The following ABLIM2 variants were observed in gnomAD, a reference collection of about 807,000 sequenced individuals.
ABLIM2 encodes the protein actin binding LIM protein family member 2, also known as actin-binding LIM protein 2.
Under a neutral mutation model 97.7 loss-of-function variants are expected in ABLIM2, and 53 were observed. That is an observed-to-expected ratio of 0.54 (90% confidence interval 0.44 to 0.68). ABLIM2 has a LOEUF of 0.68. Ranked by LOEUF, ABLIM2 falls within the 30% of genes least tolerant of loss-of-function variation. The pLI is 0.00. For synonymous variants in ABLIM2, 361 were observed against 345.8 expected (o/e 1.04, Z -0.49); for missense variants, 835 against 867.2 (o/e 0.96, Z 0.47).
In ABLIM2 at chr4:8,085,336, A is replaced by C. The variant is rs974941988; in HGVS notation, c.454+2833T>G. Among the ~76,000 whole-genome samples, 2 of 151,982 alleles carry C rather than the reference A, an allele frequency of 1.3e-5. No individual in the cohort carries two copies. Among genetic ancestry groups the C allele is most frequent in the African/African-American group, 4.8e-5 (2 of 41,392 alleles). ...CTGACTTGACTCTACCCCACTCCAC[A>C]ACCATCTATTGCTCCTCACGGCCTC... On this transcript the variant is annotated intron_variant, in intron 4 of 20. Transcript: ENST00000447017. The surrounding 1 kb of genome is among the most constrained non-coding windows in gnomAD (Gnocchi z 6.1).
chr4:8,136,967 A>G (rs1401027193), intron 1 of ABLIM2, among the ~76,000 whole-genome samples: 1 of 152,166 alleles, frequency 6.6e-6, no homozygotes, highest in Non-Finnish European at 1.5e-5. Flanking sequence ...TTGGGAGGTG[A>G]TTAGGTCATG....
Position 8,085,494 on chromosome 4 carries a change from C to G in ABLIM2, c.454+2675G>C. ...TCACACGGGTCTGGGGGTGCCCACGCTGCAGTCCCGTCCACTCACACGGCT... is the reference window on the plus strand; with the variant it reads ...TCACACGGGTCTGGGGGTGCCCACGGTGCAGTCCCGTCCACTCACACGGCT... On this transcript the variant is annotated intron_variant, in intron 4 of 20. Coordinates refer to ENST00000447017, the MANE Select transcript of ABLIM2 (RefSeq NM_001130083.2). The surrounding 1 kb of genome is among the most constrained non-coding windows in gnomAD (Gnocchi z 6.1). 6.7e-6 allele frequency among the ~76,000 whole-genome samples: 1 copy of G among 149,886 alleles called. No homozygotes were observed. The highest frequency in any genetic ancestry group is 2.5e-5 in the African/African-American group (1 of 40,796).
At position 8,029,646 on chromosome 4, in the gene ABLIM2, G is replaced by C; in HGVS notation, c.1168+10C>G. The C allele has an allele frequency of 6.6e-7, 1 of 1,514,304 alleles. No individual in the cohort carries two copies. The highest frequency in any genetic ancestry group is 2.5e-5 in the East Asian group (1 of 39,304). The allele number at this position is 1,514,304 out of a possible 1,614,324, so 93.8% of individuals were successfully genotyped here. ...TCCTGGGGGCTCAGAGGAACCAGGG[G>C]GCCAAGTACCTGGACGGCTGTAGTG... On this transcript the variant is annotated intron_variant, in intron 11 of 20. Coordinates refer to ENST00000447017, the MANE Select transcript of ABLIM2 (RefSeq NM_001130083.2).
At chr4:8,027,338 G>A (rs887003631) in intron 12 of ABLIM2, among the ~76,000 whole-genome samples, 1 of 152,196 alleles carries the variant, frequency 6.6e-6, no homozygotes, top group South Asian at 2.1e-4. Context: ...GGCCCCAGGA[G>A]CTCTGGGGCT....
intron 9 of ABLIM2, among the ~76,000 whole-genome samples, chr4:8,038,595 G>A (rs1050079095): frequency 2.6e-5 from 4 of 152,132 alleles, no homozygotes; most frequent in African/African-American, 9.7e-5. Flanking sequence ...CCTCCTCCAC[G>A]AAGTCTTCCC....
intron 1 of ABLIM2, among the ~76,000 whole-genome samples, chr4:8,119,926 C>T (rs988499341): frequency 2.0e-5 from 3 of 152,114 alleles, no homozygotes; most frequent in Non-Finnish European, 2.9e-5. Flanking sequence ...ATCTGGGGTG[C>T]GTGCTCAAGT....
chr4:8,107,835 C>T (rs1236227195), intron 1 of ABLIM2, among the ~76,000 whole-genome samples: 4 of 152,138 alleles, frequency 2.6e-5, no homozygotes, highest in East Asian at 1.9e-4. Context: ...AACATCATCA[C>T]GGGGGCCTTA....
chr4:8,057,537 C>A (rs1448940606), intron 7 of ABLIM2, among the ~76,000 whole-genome samples: 1 of 152,200 alleles, frequency 6.6e-6, no homozygotes, highest in Non-Finnish European at 1.5e-5. Context: ...TGTCAGTTTC[C>A]CAATTTTCGC....
Position 8,032,517 on chromosome 4 carries a change from G to T in ABLIM2, c.1048-2741C>A. 1 of 1,137,324 alleles carries T rather than the reference G, an allele frequency of 8.8e-7. No individual in the cohort carries two copies. Among genetic ancestry groups the T allele is most frequent in the Non-Finnish European group, 1.3e-6 (1 of 775,562 alleles). The allele number at this position is 1,137,324 out of a possible 1,614,324, so 70.5% of individuals were successfully genotyped here. A position where few individuals can be genotyped will look rare whatever the true frequency, so the allele number is the denominator to read the frequency against. The stretch of plus-strand genomic sequence containing the variant: ...CAGGAGGGTGCCCCATGTCACAAGG[G>T]CCGTGGCCCCGGGCCCCATGGTGAA... On this transcript the variant is annotated intron_variant, in intron 10 of 20. Transcript: ENST00000447017. This position sits in a 1 kb window ranked among gnomAD's most constrained non-coding sequence, Gnocchi z 4.3.
Position 8,097,095 on chromosome 4 carries a change from TCACCGG to T in ABLIM2, c.336_338+3del. 6.2e-7 allele frequency: 1 copy of T among 1,600,278 alleles called. No homozygotes were observed. Among genetic ancestry groups the T allele is most frequent in the Non-Finnish European group, 8.5e-7 (1 of 1,171,972 alleles). On this transcript the variant is annotated splice_donor_variant and splice_donor_region_variant and coding_sequence_variant and intron_variant, in exon 3 of 21. Transcript: ENST00000447017. LOFTEE classifies it high-confidence loss of function. ...AAGCAGAGGCCAGGTGCCCACTTACTCACCGGCAGACGGCACACACGAAGCAGTCGG... is the reference window on the plus strand; with the variant it reads ...AAGCAGAGGCCAGGTGCCCACTTACTCAGACGGCACACACGAAGCAGTCGG...
chr4:8,151,420 C>T (rs1206832626), intron 1 of ABLIM2, among the ~76,000 whole-genome samples: 1 of 152,212 alleles, frequency 6.6e-6, no homozygotes, highest in Non-Finnish European at 1.5e-5. Flanking sequence ...GCGAGGGACC[C>T]AGCTGCCCTC....
chr4:8,051,384 T>TG (rs1554010342), intron 8 of ABLIM2, among the ~76,000 whole-genome samples: 2 of 147,594 alleles, frequency 1.4e-5, no homozygotes, highest in East Asian at 2.0e-4. Flanking sequence ...CTGTCTCTAC[T>TG]AAAAAAAAAA....
At chr4:7,968,790 G>A (rs1368145229) in intron 20 of ABLIM2, among the ~76,000 whole-genome samples, 2 of 152,194 alleles carry the variant, frequency 1.3e-5, no homozygotes, top group Admixed American at 6.5e-5. Flanking sequence ...CTGGAGAGTG[G>A]GGTTGGTGGC....
intron 16 of ABLIM2, among the ~76,000 whole-genome samples, chr4:7,995,396 C>T (rs1304784920): frequency 6.6e-6 from 1 of 152,210 alleles, no homozygotes; most frequent in East Asian, 1.9e-4. Flanking sequence ...GCTCACAAGG[C>T]CACATGTCTG....
In ABLIM2 at chr4:7,972,954, G is replaced by C. The variant is rs186873661; in HGVS notation, c.1825-5851C>G. Among the ~76,000 whole-genome samples, 697 of 152,138 alleles carry C rather than the reference G, an allele frequency of 4.6e-3. 4 individuals carry two copies. Among genetic ancestry groups the C allele is most frequent in the South Asian group, 0.033 (158 of 4,830 alleles). On this transcript the variant is annotated intron_variant, in intron 20 of 20. Coordinates refer to ENST00000447017, the MANE Select transcript of ABLIM2 (RefSeq NM_001130083.2). ...TCACTGTGGGGCCCTTATTTTTCAG[G>C]CGCATTCCAACAATTTGGGCTCTCA... is the stretch of plus-strand genomic sequence containing the variant.
At chr4:7,969,730 G>GACACTGACACACACACACACAC (rs1553873854) in intron 20 of ABLIM2, among the ~76,000 whole-genome samples, 1 of 139,576 alleles carries the variant, frequency 7.2e-6, no homozygotes, top group African/African-American at 2.7e-5. Flanking sequence ...CTCTCTCTCT[G>GACACTGACACACACACACACAC]ACACACACAC....
At chr4:8,090,569 C>CTTTCCACTGAA (rs199736848) in intron 3 of ABLIM2, among the ~76,000 whole-genome samples, 1,939 of 152,226 alleles carry the variant, frequency 0.013, 49 homozygotes, top group African/African-American at 0.044. Flanking sequence ...ATGGAACATT[C>CTTTCCACTGAA]TTTCCACTGC....
At chr4:8,036,371 G>A (rs1452789288) in intron 9 of ABLIM2, 76 bp from the exon 10 acceptor site, 1 of 1,539,440 alleles carries the variant, frequency 6.5e-7, no homozygotes, top group South Asian at 1.2e-5. Context: ...AAAGCCGGAT[G>A]CATCCCACAG....
At chr4:8,070,762 T>C (rs1441975863) in intron 6 of ABLIM2, among the ~76,000 whole-genome samples, 1 of 151,294 alleles carries the variant, frequency 6.6e-6, no homozygotes, top group Non-Finnish European at 1.5e-5. Flanking sequence ...AAGGGAGTGG[T>C]TGACTGGGGA....
Sources: allele counts gnomAD v4.1 joint callset (sites outside exome capture counted in the v4.1 genomes callset), GRCh38; gene constraint gnomAD v4.1.1; non-coding constraint Gnocchi (gnomAD v3.1); transcripts MANE v1.5; gene names NCBI Gene and HGNC (gene_info 2026-07-23, HGNC 2026-07-21).